Variants in COPA observed in about 807,000 individuals in gnomAD.
COPA encodes coat protein complex I subunit alpha.
In COPA, 10 loss-of-function variants were observed where a neutral mutation model predicts 158.7. The ratio of observed to expected loss-of-function variants is 0.06; its 90% CI spans 0.04 to 0.11. The LOEUF (loss-of-function observed/expected upper bound fraction) is 0.11, where lower values mean the gene tolerates loss of function less well. Ranked by LOEUF, COPA falls within the 10% of genes least tolerant of loss-of-function variation. The pLI is 1.00. For synonymous variants in COPA, 462 were observed against 542.8 expected (o/e 0.85, Z 2.07); for missense variants, 1,065 against 1,536.7 (o/e 0.69, Z 5.13).
At position 160,290,566 on chromosome 1, in the gene COPA, G is replaced by C. The variant is rs771515903; in HGVS notation, c.3541C>G (p.Pro1181Ala). Reference sequence around the variant, plus strand: ...CCACTGAGTGGACACTTTTCTACTGGCTTTCCACGGTAGATGGGCCGATAT... The same window carrying C: ...CCACTGAGTGGACACTTTTCTACTGCCTTTCCACGGTAGATGGGCCGATAT... ...ASYRPIYRGK[P>A]VEKCPLSGAC... The change falls in exon 32 of 33, where the codon CCA (proline) becomes GCA (alanine). Residue 1181 changes from proline (P) to alanine (A), a missense_variant. Pro to Ala is a conservative substitution (Grantham distance 27). This residue lies in a region of COPA where 980 missense variants were observed against 1,357.8 expected (regional missense o/e 0.72). Transcript: ENST00000241704. 32 of 1,614,150 alleles carry C rather than the reference G, an allele frequency of 2.0e-5. No individual in the cohort carries two copies. The highest frequency in any genetic ancestry group is 2.7e-5 in the Non-Finnish European group (32 of 1,180,030).
chr1:160,340,095 A>C (rs866217002), intron 2 of COPA, 86 bp downstream of exon 2: 11 of 1,482,832 alleles, frequency 7.4e-6, no homozygotes, highest in Middle Eastern at 3.5e-4. Context: ...TTAATCATAG[A>C]GGAATCCATG....
intron 6 of COPA, among the ~76,000 whole-genome samples, chr1:160,326,844 T>C (rs1443863676): frequency 6.6e-6 from 1 of 152,212 alleles, no homozygotes; most frequent in Non-Finnish European, 1.5e-5. Context: ...CTGGGAGGAA[T>C]TATCCTGTAA....
At chr1:160,339,107 T>C (rs1053028213) in intron 3 of COPA, among the ~76,000 whole-genome samples, 24 of 127,620 alleles carry the variant, frequency 1.9e-4, no homozygotes, top group African/African-American at 8.9e-4. Flanking sequence ...GAAAGTCAGC[T>C]CATTTATTTC....
At chr1:160,312,109 T>C (rs568399111) in intron 10 of COPA, 91 bp from the exon 11 acceptor site, 20 of 1,355,940 alleles carry the variant, frequency 1.5e-5, no homozygotes, top group South Asian at 1.1e-4. Context: ...AGATTATATC[T>C]GTAAGACAAG....
rs200120472 is a variant in COPA at position 160,333,557 on chromosome 1, T to C, written c.386+46A>G. 2,217 of 1,397,744 alleles carry C rather than the reference T, an allele frequency of 1.6e-3. 41 individuals carry two copies. In the South Asian group the frequency reaches 0.02, roughly 13 times the overall value. The allele number at this position is 1,397,744 out of a possible 1,614,324, so 86.6% of individuals were successfully genotyped here. A position where few individuals can be genotyped will look rare whatever the true frequency, so the allele number is the denominator to read the frequency against. ...CTAAGAGAAGCTCATTATGAAAAAC[T>C]AGGAAAAATGAAGACTCTTTTCGAG... On this transcript the variant is annotated intron_variant, in intron 5 of 32. Coordinates refer to ENST00000241704, the MANE Select transcript of COPA (RefSeq NM_004371.4).
intron 8 of COPA, among the ~76,000 whole-genome samples, chr1:160,314,519 T>A (rs571738239): frequency 6.6e-6 from 1 of 152,220 alleles, no homozygotes; most frequent in African/African-American, 2.4e-5. Flanking sequence ...TAGTCCCAGC[T>A]ACTCAGGAGG....
intron 7 of COPA, among the ~76,000 whole-genome samples, chr1:160,324,367 G>T (rs1571175065): frequency 7.6e-6 from 1 of 130,846 alleles, no homozygotes; most frequent in Non-Finnish European, 1.5e-5. Flanking sequence ...CATATTAATT[G>T]CTCCCTGAAG....
At chr1:160,305,380 G>A (rs1184808610) in intron 17 of COPA, 53 bp downstream of exon 17, 5 of 1,572,148 alleles carry the variant, frequency 3.2e-6, no homozygotes, top group Non-Finnish European at 4.4e-6. Flanking sequence ...AGACAAGACA[G>A]TGATTTCAGG....
At chr1:160,292,839 CATT>C (rs1658285028) in intron 27 of COPA, among the ~76,000 whole-genome samples, 1 of 152,144 alleles carries the variant, frequency 6.6e-6, no homozygotes, top group Admixed American at 6.6e-5. Context: ...GCAGTGTTAT[CATT>C]ATTGTTGTTA....
At chr1:160,290,369 T>C (rs1658185304) in intron 32 of COPA, 123 bp downstream of exon 32, 5 of 1,380,432 alleles carry the variant, frequency 3.6e-6, no homozygotes, top group Non-Finnish European at 5.0e-6. Flanking sequence ...GCTCTAGCTT[T>C]CTCCAGTGTC....
rs748795605 is a variant in COPA at position 160,299,189 on chromosome 1, T to C, written c.1743A>G (p.Leu581=). The C allele has an allele frequency of 6.2e-7, 1 of 1,614,172 alleles. No individual in the cohort carries two copies. The highest frequency in any genetic ancestry group is 1.3e-5 in the African/African-American group (1 of 75,052). ...TRVKGNNVYC[L]DRECRPRVLT... ...GTACCCGGGGACGACACTCCCTGTC[T>C]AGGCAGTATACATTGTTGCCCTTCA... The change falls in exon 18 of 33, where the codon CTA becomes CTG. Residue 581 remains leucine (L), a synonymous_variant. Transcript: ENST00000241704.
intron 3 of COPA, among the ~76,000 whole-genome samples, chr1:160,336,182 C>T (rs992890308): frequency 1.5e-4 from 22 of 151,408 alleles, no homozygotes; most frequent in Non-Finnish European, 2.8e-4. Flanking sequence ...CCTGTCTCTA[C>T]AAAAATACAA....
At position 160,313,552 on chromosome 1, in the gene COPA, C is replaced by T. The variant is rs903409512; in HGVS notation, c.843-385G>A. 8.5e-5 allele frequency among the ~76,000 whole-genome samples: 13 copies of T among 152,138 alleles called. No individual in the cohort carries two copies. In the South Asian group the frequency reaches 2.7e-3, roughly 32 times the overall value. ...GCCTCAGCCTCCTGAGTAGCTGGGA[C>T]TACAGGCGCCCGCCACCACGCCCGG... On this transcript the variant is annotated intron_variant, in intron 9 of 32. Transcript: ENST00000241704.
At chr1:160,330,279 C>T (rs902283536) in intron 6 of COPA, among the ~76,000 whole-genome samples, 1 of 152,146 alleles carries the variant, frequency 6.6e-6, no homozygotes, top group Non-Finnish European at 1.5e-5. Context: ...AGAGTAGATG[C>T]TAAGCTCCCT....
rs182601629 is a variant in COPA, at chr1:160,313,693, A to G, written c.842+297T>C. ...CCTCCCAAGTGCTGGGATTACAGGC[A>G]TGAGCCACCGCGCCCGGCCTCATTC... On this transcript the variant is annotated intron_variant, in intron 9 of 32. Transcript: ENST00000241704. 5.8e-3 allele frequency among the ~76,000 whole-genome samples: 879 copies of G among 152,236 alleles called. 2 individuals are homozygous for G. Among genetic ancestry groups the G allele is most frequent in the Middle Eastern group, 0.051 (15 of 294 alleles).
chr1:160,335,419 T>C (rs1241448143), intron 3 of COPA, 97 bp from the exon 4 acceptor site: 2 of 914,802 alleles, frequency 2.2e-6, no homozygotes, highest in Non-Finnish European at 3.2e-6. Context: ...AATATGTATA[T>C]AAATATAGAT....
chr1:160,298,796 C>T (rs768055580), intron 19 of COPA, 49 bp downstream of exon 19: 1 of 1,603,686 alleles, frequency 6.2e-7, no homozygotes, highest in Non-Finnish European at 8.5e-7. Flanking sequence ...GGCACTCTAA[C>T]TCTCTCACCT....
Position 160,299,324 on chromosome 1 carries a change from C to T in COPA, c.1668-60G>A, listed in dbSNP as rs138545211. ...AGGGAAAATCCATCCTGTGAAGAAACGGAACAAACCTAGGAAACGGTCTTT... is the reference window on the plus strand; with the variant it reads ...AGGGAAAATCCATCCTGTGAAGAAATGGAACAAACCTAGGAAACGGTCTTT... On this transcript the variant is annotated intron_variant, in intron 17 of 32. Transcript: ENST00000241704. 2.7e-5 allele frequency: 41 copies of T among 1,503,710 alleles called. No homozygotes were observed. The East Asian group carries it at 4.1e-4, about 15-fold the overall frequency. 93.1% of individuals were successfully genotyped at this position (1,503,710 alleles called of 1,614,324 possible). A position where few individuals can be genotyped will look rare whatever the true frequency, so the allele number is the denominator to read the frequency against.
intron 3 of COPA, among the ~76,000 whole-genome samples, chr1:160,337,034 C>T (rs1647798414): frequency 6.6e-6 from 1 of 152,194 alleles, no homozygotes; most frequent in African/African-American, 2.4e-5. Flanking sequence ...TCTATTCAAT[C>T]AGCTACATAT....
Sources: gnomAD v4.1 joint callset for allele counts (sites outside exome capture counted in the v4.1 genomes callset) on GRCh38, gnomAD v4.1.1 for gene constraint, gnomAD v4.1.1 regional missense constraint, MANE v1.5 for transcripts, NCBI Gene and HGNC (gene_info 2026-07-23, HGNC 2026-07-21) for gene names.